MTUS2: variants seen among roughly 807,000 people sequenced by gnomAD.
MTUS2 encodes the protein microtubule associated scaffold protein 2.
A neutral mutation model predicts 114.1 loss-of-function variants in MTUS2; 40 were observed. The observed-to-expected ratio is 0.35, with a 90% CI of 0.27 to 0.46. The LOEUF (loss-of-function observed/expected upper bound fraction) is 0.46, where lower values mean the gene tolerates loss of function less well. Among genes scored for constraint, MTUS2 ranks in the 20% least tolerant of loss-of-function variants. The pLI is 1.00. For synonymous variants in MTUS2, 688 were observed against 672.0 expected, an observed-to-expected ratio of 1.02 and a Z score of -0.37; for missense variants, 1,679 against 1,705.4, an observed-to-expected ratio of 0.98 and a Z score of 0.27.
chr13:29,498,577 C>T, intron 14 of MTUS2, 40 bp downstream of exon 14: 2 of 1,611,810 alleles, frequency 1.2e-6, no homozygotes, highest in Non-Finnish European at 1.7e-6. Flanking sequence ...ACCTCCATGA[C>T]ATTCCTGCTG....
chr13:28,831,205 CAA>C (rs1874653143), intron 1 of MTUS2, among the ~76,000 whole-genome samples: 1 of 151,884 alleles, frequency 6.6e-6, no homozygotes, highest in South Asian at 2.1e-4. Flanking sequence ...CTATTTAACA[CAA>C]AAGAGGGCAG....
intron 8 of MTUS2, among the ~76,000 whole-genome samples, chr13:29,423,583 T>G (rs1593427913): frequency 6.6e-6 from 1 of 152,330 alleles, no homozygotes; most frequent in East Asian, 1.9e-4. Flanking sequence ...TAAAACATAT[T>G]GTGTATGTCA....
At chr13:29,464,767 G>T (rs1393385964) in intron 9 of MTUS2, among the ~76,000 whole-genome samples, 3 of 152,228 alleles carry the variant, frequency 2.0e-5, no homozygotes, top group Admixed American at 6.5e-5. Context: ...TCTGCTTACA[G>T]CAGTGATTCT....
chr13:28,911,030 C>T (rs936057675), intron 2 of MTUS2, among the ~76,000 whole-genome samples: 22 of 151,414 alleles, frequency 1.5e-4, no homozygotes, highest in Non-Finnish European at 2.4e-4. Flanking sequence ...CATCTGCCAC[C>T]ACGCCTGGTT....
chr13:29,081,425 T>TA (rs1889434946), intron 4 of MTUS2, among the ~76,000 whole-genome samples: 1 of 152,030 alleles, frequency 6.6e-6, no homozygotes, highest in South Asian at 2.1e-4. Context: ...AGTAAGCCCT[T>TA]ATGGTGCTCT....
intron 8 of MTUS2, among the ~76,000 whole-genome samples, chr13:29,394,557 T>C (rs1447521476): frequency 6.6e-6 from 1 of 152,192 alleles, no homozygotes; most frequent in East Asian, 1.9e-4. Context: ...ATGTCTCTTA[T>C]CAGATCAAAA....
At chr13:28,886,018 T>C (rs116220409) in intron 2 of MTUS2, among the ~76,000 whole-genome samples, 2,875 of 152,026 alleles carry the variant, frequency 0.019, 95 homozygotes, top group African/African-American at 0.065. Flanking sequence ...GCATTCCCGA[T>C]AGAGGGAATA....
intron 4 of MTUS2, among the ~76,000 whole-genome samples, chr13:29,076,700 T>G (rs1889209350): frequency 6.6e-6 from 1 of 152,166 alleles, no homozygotes; most frequent in Admixed American, 6.5e-5. Context: ...CAGGGAAGAA[T>G]CTGCAGTATC....
Position 29,025,587 on chromosome 13 carries a change from C to G in MTUS2, c.889C>G (p.Leu297Val). ...TLASKEIPSK[L>V]EAQLGQGKGE... is the part of the protein sequence containing the mutation. ...GGCATCGAAGGAAATCCCAAGTAAA[C>G]TGGAAGCACAATTAGGTCAGGGAAA... Residue 297 changes from leucine (L) to valine (V), a missense_variant, in exon 3 of 16, where the codon CTG becomes GTG. Leu to Val is a conservative substitution (Grantham distance 32, BLOSUM62 1). Transcript: ENST00000612955. 1 of 1,613,968 alleles carries G rather than the reference C, an allele frequency of 6.2e-7. No individual in the cohort carries two copies. The highest frequency in any genetic ancestry group is 1.1e-5 in the South Asian group (1 of 91,066).
chr13:29,303,380 C>T (rs1382067751), intron 6 of MTUS2, among the ~76,000 whole-genome samples: 1 of 152,052 alleles, frequency 6.6e-6, no homozygotes, highest in Non-Finnish European at 1.5e-5. Context: ...ATGTTGTAAC[C>T]CAATGCAGAG....
chr13:29,082,368 T>G (rs980719137), intron 4 of MTUS2, among the ~76,000 whole-genome samples: 1 of 152,184 alleles, frequency 6.6e-6, no homozygotes. Flanking sequence ...ACATATTGAT[T>G]AGGGGATGAA....
At chr13:28,868,538 C>T (rs1394493714) in intron 2 of MTUS2, among the ~76,000 whole-genome samples, 1 of 152,124 alleles carries the variant, frequency 6.6e-6, no homozygotes, top group African/African-American at 2.4e-5. Flanking sequence ...TCAGGCCTTA[C>T]AAAGGGAGGG....
At chr13:29,263,459 G>A (rs1221993241) in intron 5 of MTUS2, among the ~76,000 whole-genome samples, 3 of 152,144 alleles carry the variant, frequency 2.0e-5, no homozygotes, top group African/African-American at 7.2e-5. Context: ...ATGCGTCTCT[G>A]TTAGGCTGTT....
At chr13:29,238,061 G>C (rs1258001276) in intron 5 of MTUS2, among the ~76,000 whole-genome samples, 1 of 152,074 alleles carries the variant, frequency 6.6e-6, no homozygotes, top group Non-Finnish European at 1.5e-5. Context: ...CTCATGACAG[G>C]GTATATACCA....
intron 2 of MTUS2, among the ~76,000 whole-genome samples, chr13:28,883,841 C>T (rs1878434314): frequency 6.6e-6 from 1 of 151,918 alleles, no homozygotes; most frequent in Admixed American, 6.6e-5. Context: ...CTTCTTCACA[C>T]CCATTATAAT....
intron 5 of MTUS2, among the ~76,000 whole-genome samples, chr13:29,103,377 T>C (rs1165762991): frequency 3.3e-5 from 5 of 152,244 alleles, no homozygotes; most frequent in African/African-American, 9.6e-5. Flanking sequence ...GAGCATTTAC[T>C]GTACTAAATA....
Position 29,026,402 on chromosome 13 carries a change from C to G in MTUS2, c.1704C>G (p.Pro568=). Residue 568 remains proline, a synonymous_variant, in exon 3 of 16, where the codon CCC becomes CCG. Transcript: ENST00000612955. ...VSVFGMDAGS[P]LVVPPPTDSA... is the part of the protein sequence containing the mutation. ...TGTTCGGTATGGATGCGGGGTCCCCCTTGGTAGTTCCACCCCCTACTGATA... is the reference window on the plus strand; with the variant it reads ...TGTTCGGTATGGATGCGGGGTCCCCGTTGGTAGTTCCACCCCCTACTGATA... 10 of 1,613,854 alleles carry G rather than the reference C, an allele frequency of 6.2e-6. No individual in the cohort carries two copies. The highest frequency in any genetic ancestry group is 8.5e-6 in the Non-Finnish European group (10 of 1,179,822).
intron 8 of MTUS2, 142 bp downstream of exon 8, chr13:29,359,615 A>G (rs2138229145): frequency 2.2e-6 from 2 of 892,822 alleles, no homozygotes; most frequent in Middle Eastern, 3.5e-4. Flanking sequence ...TTCAGGCAGA[A>G]TCTCCTGAGG....
chr13:28,990,050 G>A (rs57956091), intron 2 of MTUS2, among the ~76,000 whole-genome samples: 2,683 of 152,254 alleles, frequency 0.018, 81 homozygotes, highest in African/African-American at 0.061. Flanking sequence ...CCTGGGAGGT[G>A]TTGTGAACTG....
Sources: allele counts gnomAD v4.1 joint callset (sites outside exome capture counted in the v4.1 genomes callset), GRCh38; gene constraint gnomAD v4.1.1; transcripts MANE v1.5; gene names NCBI Gene and HGNC (gene_info 2026-07-23, HGNC 2026-07-21).